SOX13: variants seen among roughly 807,000 people sequenced by gnomAD.
SOX13 encodes the protein transcription factor SOX-13.
SOX13 carries 28 observed loss-of-function variants against 71.8 expected under a neutral mutation model. That is an observed-to-expected ratio of 0.39 (90% CI 0.29 to 0.53). The LOEUF (loss-of-function observed/expected upper bound fraction) is 0.53, where lower values mean the gene tolerates loss of function less well. Among genes scored for constraint, SOX13 ranks in the 20% least tolerant of loss-of-function variants. SOX13 has a pLI of 0.70. For synonymous variants in SOX13, 309 were observed against 317.8 expected (o/e 0.97, Z 0.29); for missense variants, 627 against 810.3 (o/e 0.77, Z 2.75).
At chr1:204,114,830 ACTCTGAATCTGGG>A (rs1400849344) in intron 4 of SOX13, among the ~76,000 whole-genome samples, 1 of 151,860 alleles carries the variant, frequency 6.6e-6, no homozygotes, top group Non-Finnish European at 1.5e-5. Context: ...AAATCCCATG[ACTCTGAATCTGGG>A]CTCTCACCAG....
intron 1 of SOX13, among the ~76,000 whole-genome samples, chr1:204,111,893 A>G (rs3753268): frequency 6.6e-6 from 1 of 152,050 alleles, no homozygotes; most frequent in African/African-American, 2.4e-5. Flanking sequence ...ATTTACTTTT[A>G]CCTTATCTCC....
At chr1:204,121,841 C>A in intron 7 of SOX13, 59 bp from the exon 8 acceptor site, 1 of 1,209,662 alleles carries the variant, frequency 8.3e-7, no homozygotes, top group Non-Finnish European at 1.2e-6. Flanking sequence ...CCTCGTCAAG[C>A]AGGGTGTCTG....
Position 204,122,935 on chromosome 1 carries a change from A to T in SOX13, c.1106A>T (p.Asp369Val), listed in dbSNP as rs1656840036. ...QLLHSHSGAL[D>V]GSPNTPFRKD... ...CTGCACAGCCACAGTGGGGCCTTGG[A>T]TGGCTCCCCCAACACCCCCTTCCGT... The change falls in exon 10 of 14, where the codon GAT becomes GTT. Residue 369 changes from aspartate (D) to valine (V), a missense_variant. This residue lies in a region of SOX13 where 447 missense variants were observed against 532.2 expected (regional missense o/e 0.84). Coordinates refer to ENST00000367204, the MANE Select transcript of SOX13 (RefSeq NM_005686.3). 6.3e-7 allele frequency: 1 copy of T among 1,591,016 alleles called. No homozygotes were observed. Among genetic ancestry groups the T allele is most frequent in the Non-Finnish European group, 8.6e-7 (1 of 1,167,874 alleles).
chr1:204,126,087 G>C lies in SOX13; in HGVS notation c.1822G>C (p.Glu608Gln). ...MYRYSEDEDS[E>Q]GEEKSDGELV... ...CCGGTACAGCGAGGACGAGGACTCG[G>C]AGGGCGAAGAGAAGAGCGATGGGGA... is the stretch of plus-strand genomic sequence containing the variant. The change falls in exon 14 of 14, where the codon GAG (glutamate) becomes CAG (glutamine). Residue 608 changes from glutamate (E) to glutamine (Q), a missense_variant. Around this residue, in one of 3 missense-constraint regions of SOX13, gnomAD observed 148 missense variants for 192.7 expected, o/e 0.77. Coordinates refer to ENST00000367204, the MANE Select transcript of SOX13 (RefSeq NM_005686.3). 1 of 1,614,014 alleles carries C rather than the reference G, an allele frequency of 6.2e-7. No homozygotes were observed. Among genetic ancestry groups the C allele is most frequent in the Non-Finnish European group, 8.5e-7 (1 of 1,179,890 alleles).
At chr1:204,106,135 G>A (rs900283137) in intron 1 of SOX13, among the ~76,000 whole-genome samples, 1 of 152,188 alleles carries the variant, frequency 6.6e-6, no homozygotes. Flanking sequence ...GACTCCAACG[G>A]GGTCTTTAAA....
intron 7 of SOX13, 124 bp downstream of exon 7, chr1:204,117,831 T>C (rs1656725968): frequency 1.6e-6 from 1 of 641,198 alleles, no homozygotes; most frequent in Admixed American, 2.7e-5. Flanking sequence ...GTTTTGGATC[T>C]GTCTGGTAGA....
chr1:204,116,447 G>T (rs1656695795), intron 4 of SOX13, 60 bp from the exon 5 acceptor site: 1 of 1,613,204 alleles, frequency 6.2e-7, no homozygotes, highest in South Asian at 1.1e-5. Flanking sequence ...TGGATAGATG[G>T]ATGGATGTAT....
At position 204,122,464 on chromosome 1, in the gene SOX13, G is replaced by A. The variant is rs73069949; in HGVS notation, c.1024+65G>A. 2,408 of 1,353,984 alleles carry A rather than the reference G, an allele frequency of 1.8e-3. 18 individuals are homozygous for A. The highest frequency in any genetic ancestry group is 0.016 in the African/African-American group (1,087 of 68,340). 83.9% of individuals were successfully genotyped at this position (1,353,984 alleles called of 1,614,324 possible). A position where few individuals can be genotyped will look rare whatever the true frequency, so the allele number is the denominator to read the frequency against. On this transcript the variant is annotated intron_variant, in intron 9 of 13. Transcript: ENST00000367204. Reference sequence around the variant, plus strand: ...TAGGGGAGAGCCGGCGGCATGATGCGACCTTGAGCAGGTCCCTTCTCCTCC... The same window carrying A: ...TAGGGGAGAGCCGGCGGCATGATGCAACCTTGAGCAGGTCCCTTCTCCTCC...
At chr1:204,091,108 A>G (rs1656132626) in intron 1 of SOX13, among the ~76,000 whole-genome samples, 1 of 152,182 alleles carries the variant, frequency 6.6e-6, no homozygotes, top group Non-Finnish European at 1.5e-5. Context: ...CCAACAGAAC[A>G]CTGTTCTTTT....
intron 1 of SOX13, among the ~76,000 whole-genome samples, chr1:204,107,401 C>T (rs1303087725): frequency 1.3e-5 from 2 of 152,122 alleles, no homozygotes; most frequent in Non-Finnish European, 2.9e-5. Flanking sequence ...TGCAGACCCC[C>T]AGCTGCAGAG....
chr1:204,123,644 T>A lies in SOX13; in HGVS notation c.1232-17T>A. The A allele has an allele frequency of 1.2e-6, 2 of 1,611,084 alleles. No individual in the cohort carries two copies. The highest frequency in any genetic ancestry group is 1.7e-6 in the Non-Finnish European group (2 of 1,178,776). Reference sequence around the variant, plus strand: ...CCCCAGACAGGCTGCTTGGCTGACTTCACTCCTGTCTCCCAGGCTCCCGCC... The same window carrying A: ...CCCCAGACAGGCTGCTTGGCTGACTACACTCCTGTCTCCCAGGCTCCCGCC... On this transcript the variant is annotated splice_polypyrimidine_tract_variant and intron_variant, in intron 11 of 13. Transcript: ENST00000367204. This position sits in a 1 kb window ranked among gnomAD's most constrained non-coding sequence, Gnocchi z 5.0.
At chr1:204,106,006 C>G (rs1345114544) in intron 1 of SOX13, among the ~76,000 whole-genome samples, 1 of 152,166 alleles carries the variant, frequency 6.6e-6, no homozygotes, top group Non-Finnish European at 1.5e-5. Flanking sequence ...GACCTTAAAA[C>G]CTCCTGCGGA....
chr1:204,077,848 G>C (rs1344009895), intron 1 of SOX13, among the ~76,000 whole-genome samples: 2 of 152,124 alleles, frequency 1.3e-5, no homozygotes, highest in Non-Finnish European at 2.9e-5. Context: ...CTCTTACTCT[G>C]TCGCCCAGAC....
At chr1:204,098,603 G>GT (rs1656300893) in intron 1 of SOX13, among the ~76,000 whole-genome samples, 1 of 152,198 alleles carries the variant, frequency 6.6e-6, no homozygotes. Context: ...AGGCATATGT[G>GT]TTGCCAGGGT....
chr1:204,114,073 G>C (rs1197103130), intron 2 of SOX13, among the ~76,000 whole-genome samples: 1 of 152,224 alleles, frequency 6.6e-6, no homozygotes, highest in East Asian at 1.9e-4. Flanking sequence ...TCAGGGACTT[G>C]TGTGGGATCA....
chr1:204,115,790 C>A (rs1656680759), intron 4 of SOX13, among the ~76,000 whole-genome samples: 1 of 150,418 alleles, frequency 6.6e-6, no homozygotes, highest in Admixed American at 6.7e-5. Context: ...TCTCAGTCTC[C>A]CAAGTAGTTG....
intron 1 of SOX13, among the ~76,000 whole-genome samples, chr1:204,103,903 A>G (rs1030729462): frequency 2.6e-5 from 4 of 152,184 alleles, no homozygotes; most frequent in African/African-American, 9.7e-5. Flanking sequence ...GGAGGCACAC[A>G]TCACACTGGG....
chr1:204,087,201 C>T (rs549270998), intron 1 of SOX13, among the ~76,000 whole-genome samples: 1 of 152,346 alleles, frequency 6.6e-6, no homozygotes, highest in South Asian at 2.1e-4. Context: ...GGATTACAGG[C>T]GTGAGCCACC....
chr1:204,087,148 TCCTGA>T (rs1393130726), intron 1 of SOX13, among the ~76,000 whole-genome samples: 1 of 152,216 alleles, frequency 6.6e-6, no homozygotes. Context: ...GGTCTCGATT[TCCTGA>T]CCTTGTGATC....
Sources: allele counts gnomAD v4.1 joint callset (sites outside exome capture counted in the v4.1 genomes callset), GRCh38; gene constraint gnomAD v4.1.1; regional missense constraint gnomAD v4.1.1; non-coding constraint Gnocchi (gnomAD v3.1); transcripts MANE v1.5; gene names NCBI Gene and HGNC (gene_info 2026-07-23, HGNC 2026-07-21).